TOX: variants seen among roughly 807,000 people sequenced by gnomAD.
TOX encodes the protein thymocyte selection-associated high mobility group box protein TOX.
In TOX, 11 loss-of-function variants were observed where a neutral mutation model predicts 53.7. The observed-to-expected ratio is 0.20, with a 90% CI of 0.13 to 0.34. TOX has a LOEUF of 0.34. Ranked by LOEUF, TOX falls within the 10% of genes least tolerant of loss-of-function variation. TOX has a pLI of 1.00. For missense variants in TOX, 570 were observed against 664.6 expected (o/e 0.86, Z 1.56); for synonymous variants, 225 against 245.3 (o/e 0.92, Z 0.77).
intron 1 of TOX, among the ~76,000 whole-genome samples, chr8:59,040,328 C>CA (rs770561876): frequency 0.26 from 21,083 of 81,266 alleles, 3,206 homozygotes; most frequent in South Asian, 0.31. Context: ...GACTCCGTCT[C>CA]AAAAAAAAAA....
intron 7 of TOX, among the ~76,000 whole-genome samples, chr8:58,808,708 G>GACTACACCT (rs1810029227): frequency 6.6e-6 from 1 of 152,146 alleles, no homozygotes; most frequent in African/African-American, 2.4e-5. Flanking sequence ...TGTTTTATTA[G>GACTACACCT]ACTACACCTA....
chr8:58,937,855 C>T (rs966829000), intron 3 of TOX, among the ~76,000 whole-genome samples: 1 of 152,062 alleles, frequency 6.6e-6, no homozygotes, highest in Non-Finnish European at 1.5e-5. Context: ...CCTTCTTTGG[C>T]TCATGAATTG....
rs1803656303 is a variant in TOX, at chr8:59,044,816, GA to G, written c.102+74069del. Reference sequence around the variant, plus strand: ...ACTCACTTAAATGTCCCCTTCAAGGGAAAAATATTATAAACAACTCCTTATC... The same window carrying G: ...ACTCACTTAAATGTCCCCTTCAAGGGAAAATATTATAAACAACTCCTTATC... On this transcript the variant is annotated intron_variant, in intron 1 of 8. Coordinates refer to ENST00000361421, the MANE Select transcript of TOX (RefSeq NM_014729.3). Among the ~76,000 whole-genome samples, 10 of 152,170 alleles carry G rather than the reference GA, an allele frequency of 6.6e-5. No individual in the cohort carries two copies. The South Asian group carries it at 2.1e-3, about 32-fold the overall frequency.
intron 3 of TOX, among the ~76,000 whole-genome samples, chr8:58,896,087 T>C (rs1360152033): frequency 6.6e-6 from 1 of 152,190 alleles, no homozygotes; most frequent in African/African-American, 2.4e-5. Context: ...GATTCAAGTG[T>C]TCACATAACT....
intron 1 of TOX, among the ~76,000 whole-genome samples, chr8:59,058,846 T>C (rs1212250244): frequency 6.6e-6 from 1 of 152,136 alleles, no homozygotes; most frequent in African/African-American, 2.4e-5. Flanking sequence ...AACAACAAAA[T>C]ATCTATTAAA....
intron 1 of TOX, among the ~76,000 whole-genome samples, chr8:59,086,067 C>T (rs981034027): frequency 3.4e-5 from 5 of 147,864 alleles, no homozygotes; most frequent in South Asian, 4.4e-4. Flanking sequence ...CTCACTGCAA[C>T]CTCCGCCTGT....
chr8:59,020,135 CAGGAAT>C (rs1814095356), intron 1 of TOX, among the ~76,000 whole-genome samples: 1 of 152,242 alleles, frequency 6.6e-6, no homozygotes, highest in African/African-American at 2.4e-5. Context: ...GAAATGTTTT[CAGGAAT>C]AGGCTTCAAA....
intron 2 of TOX, among the ~76,000 whole-genome samples, chr8:58,945,235 A>G (rs1318928015): frequency 6.6e-6 from 1 of 152,216 alleles, no homozygotes; most frequent in African/African-American, 2.4e-5. Flanking sequence ...CTAAATTTGT[A>G]CAAAAGCTAT....
intron 2 of TOX, among the ~76,000 whole-genome samples, chr8:58,949,274 A>T (rs180965437): frequency 1.3e-5 from 2 of 152,222 alleles, no homozygotes; most frequent in Non-Finnish European, 2.9e-5. Context: ...ATGCCAATAA[A>T]TATTATCAAC....
At chr8:59,003,258 C>T (rs2129418253) in intron 1 of TOX, among the ~76,000 whole-genome samples, 1 of 152,244 alleles carries the variant, frequency 6.6e-6, no homozygotes, top group East Asian at 1.9e-4. Flanking sequence ...ATTTTCAATG[C>T]CTTTTTTCTA....
chr8:58,984,674 T>A (rs1813290912), intron 1 of TOX, among the ~76,000 whole-genome samples: 1 of 149,750 alleles, frequency 6.7e-6, no homozygotes, highest in South Asian at 2.1e-4. Flanking sequence ...TCCCAGCTAC[T>A]CGGGAGGCTG....
chr8:58,826,728 A>G (rs1477145819), intron 6 of TOX, 94 bp downstream of exon 6: 2 of 1,056,690 alleles, frequency 1.9e-6, no homozygotes, highest in Admixed American at 2.9e-5. Context: ...ATTGTGCAGA[A>G]TCGTTAAAGT....
chr8:59,105,085 C>T (rs1185500387), intron 1 of TOX, among the ~76,000 whole-genome samples: 1 of 152,104 alleles, frequency 6.6e-6, no homozygotes, highest in Non-Finnish European at 1.5e-5. Context: ...TATTAACAAC[C>T]CCAAAGCTTT....
intron 5 of TOX, 84 bp from the exon 6 acceptor site, chr8:58,826,986 C>T: frequency 4.8e-6 from 4 of 840,490 alleles, no homozygotes; most frequent in Non-Finnish European, 7.1e-6. Context: ...GATAACTGCA[C>T]ACACAAACAC....
At chr8:59,080,039 G>A (rs1025685359) in intron 1 of TOX, among the ~76,000 whole-genome samples, 1 of 150,808 alleles carries the variant, frequency 6.6e-6, no homozygotes, top group African/African-American at 2.4e-5. Flanking sequence ...CTGGAGTGCA[G>A]TGGTGTGATC....
chr8:58,901,020 T>C (rs1811727592), intron 3 of TOX, among the ~76,000 whole-genome samples: 1 of 152,132 alleles, frequency 6.6e-6, no homozygotes, highest in South Asian at 2.1e-4. Context: ...ATCAGTCAAA[T>C]TTTGAATTCT....
At chr8:58,844,793 A>G (rs962791961) in intron 4 of TOX, among the ~76,000 whole-genome samples, 1 of 152,156 alleles carries the variant, frequency 6.6e-6, no homozygotes, top group Non-Finnish European at 1.5e-5. Flanking sequence ...ACATAAGTGC[A>G]CAAATACCTA....
intron 1 of TOX, among the ~76,000 whole-genome samples, chr8:59,090,131 T>TA (rs1804585474): frequency 6.6e-6 from 1 of 152,244 alleles, no homozygotes; most frequent in South Asian, 2.1e-4. Context: ...CAGAGCCTTT[T>TA]ATAAGCTAAT....
At chr8:58,978,839 T>C (rs1813153141) in intron 1 of TOX, among the ~76,000 whole-genome samples, 2 of 152,240 alleles carry the variant, frequency 1.3e-5, no homozygotes, top group Admixed American at 1.3e-4. Flanking sequence ...TCCACCACTG[T>C]AGTGTCATAC....
Sources: allele counts gnomAD v4.1 joint callset (sites outside exome capture counted in the v4.1 genomes callset), GRCh38; gene constraint gnomAD v4.1.1; transcripts MANE v1.5; gene names NCBI Gene and HGNC (gene_info 2026-07-23, HGNC 2026-07-21).